Variants in KCNK13 observed in about 807,000 individuals in gnomAD.
KCNK13 encodes potassium channel subfamily K member 13.
In KCNK13, 12 loss-of-function variants were observed where a neutral mutation model predicts 23.4. The observed-to-expected ratio is 0.51, with a 90% CI of 0.33 to 0.83. KCNK13 has a LOEUF of 0.83. Among genes scored for constraint, KCNK13 ranks in the 40% least tolerant of loss-of-function variants. The pLI is 0.02. For missense variants in KCNK13, 463 were observed against 556.3 expected, an observed-to-expected ratio of 0.83 and a Z score of 1.69; for synonymous variants, 231 against 229.5, an observed-to-expected ratio of 1.01 and a Z score of -0.06.
chr14:90,067,151 C>A (rs564529597), intron 1 of KCNK13, among the ~76,000 whole-genome samples: 64 of 152,296 alleles, frequency 4.2e-4, no homozygotes, highest in African/African-American at 1.5e-3. Flanking sequence ...TGCCTGTAGT[C>A]CCAGCTACTT....
chr14:90,157,836 G>A (rs750433925), intron 1 of KCNK13, among the ~76,000 whole-genome samples: 19 of 151,440 alleles, frequency 1.3e-4, no homozygotes, highest in Admixed American at 1.1e-3. Flanking sequence ...GAGTAGCTGG[G>A]ACTACAGGCA....
At chr14:90,172,269 A>G (rs537086758) in intron 1 of KCNK13, among the ~76,000 whole-genome samples, 2 of 151,176 alleles carry the variant, frequency 1.3e-5, no homozygotes, top group East Asian at 2.0e-4. Flanking sequence ...GTGAGCCGAG[A>G]TAGTACCTCT....
intron 1 of KCNK13, among the ~76,000 whole-genome samples, chr14:90,165,314 C>T (rs1238374348): frequency 1.3e-5 from 2 of 152,092 alleles, no homozygotes; most frequent in Non-Finnish European, 2.9e-5. Context: ...GGGGCTGGGA[C>T]CCACCCTAGG....
intron 1 of KCNK13, among the ~76,000 whole-genome samples, chr14:90,123,784 A>G (rs1596787919): frequency 6.6e-6 from 1 of 152,202 alleles, no homozygotes; most frequent in Middle Eastern, 3.4e-3. Flanking sequence ...GCCATGCACC[A>G]CCACACCTGG....
intron 1 of KCNK13, among the ~76,000 whole-genome samples, chr14:90,137,445 C>T (rs1490418666): frequency 1.3e-5 from 2 of 151,988 alleles, no homozygotes; most frequent in South Asian, 2.1e-4. Flanking sequence ...TTCAGCCTCC[C>T]GAGTAGCTGG....
intron 1 of KCNK13, among the ~76,000 whole-genome samples, chr14:90,174,515 T>G (rs1890401417): frequency 6.6e-6 from 1 of 152,014 alleles, no homozygotes; most frequent in East Asian, 1.9e-4. Flanking sequence ...ATTCAAAGAT[T>G]TTCCAATTTG....
chr14:90,101,205 CAGTG>C (rs910258541), intron 1 of KCNK13, among the ~76,000 whole-genome samples: 4 of 152,180 alleles, frequency 2.6e-5, no homozygotes, highest in Non-Finnish European at 5.9e-5. Context: ...GTCTGCTTCA[CAGTG>C]AGCACAAAAT....
chr14:90,074,110 C>T (rs184532114), intron 1 of KCNK13, among the ~76,000 whole-genome samples: 96 of 152,234 alleles, frequency 6.3e-4, no homozygotes, highest in African/African-American at 2.1e-3. Flanking sequence ...GCTGGGACTA[C>T]AGGCATGCAC....
In KCNK13 at chr14:90,185,056, C is replaced by T. The variant is rs574920281; in HGVS notation, c.*53C>T. ...CCAGAGTAGAATGGAGGATGATTGC[C>T]GCCCAGGGGACGAGCTCAGCCCTGC... On this transcript the variant is annotated 3_prime_UTR_variant, in exon 2 of 2. Coordinates refer to ENST00000282146, the MANE Select transcript of KCNK13 (RefSeq NM_022054.4). The T allele has an allele frequency of 2.0e-5, 29 of 1,448,306 alleles. No individual in the cohort carries two copies. The highest frequency in any genetic ancestry group is 8.5e-5 in the African/African-American group (6 of 70,994). The allele number at this position is 1,448,306 out of a possible 1,614,324, so 89.7% of individuals were successfully genotyped here.
intron 1 of KCNK13, among the ~76,000 whole-genome samples, chr14:90,179,352 G>GA (rs921016725): frequency 3.3e-5 from 5 of 150,016 alleles, no homozygotes; most frequent in South Asian, 2.1e-4. Context: ...ATTGAATTTT[G>GA]AAAAAAAATA....
chr14:90,073,266 A>T (rs1217197345), intron 1 of KCNK13, among the ~76,000 whole-genome samples: 1 of 152,094 alleles, frequency 6.6e-6, no homozygotes, highest in African/African-American at 2.4e-5. Flanking sequence ...CTGTGCTACT[A>T]CGGGTGTAAG....
chr14:90,085,292 T>C lies in KCNK13; in HGVS notation c.334+22753T>C, dbSNP rs189278275. Among the ~76,000 whole-genome samples, 117 of 152,250 alleles carry C rather than the reference T, an allele frequency of 7.7e-4. 1 individual carries two copies. The highest frequency in any genetic ancestry group is 1.3e-3 in the Non-Finnish European group (87 of 68,022). ...TCTTGAGATAAGTCCTACTTGATTA[T>C]GGTGTATAATTTTTTTAATATGTTG... is the stretch of plus-strand genomic sequence containing the variant. On this transcript the variant is annotated intron_variant, in intron 1 of 1. Coordinates refer to ENST00000282146, the MANE Select transcript of KCNK13 (RefSeq NM_022054.4).
At chr14:90,070,003 C>G (rs1157105944) in intron 1 of KCNK13, among the ~76,000 whole-genome samples, 2 of 152,126 alleles carry the variant, frequency 1.3e-5, no homozygotes, top group African/African-American at 4.8e-5. Context: ...TAGAAATCAT[C>G]CATAATTCTA....
chr14:90,170,455 C>T (rs537810520), intron 1 of KCNK13, among the ~76,000 whole-genome samples: 1 of 152,254 alleles, frequency 6.6e-6, no homozygotes, highest in African/African-American at 2.4e-5. Flanking sequence ...CTCAGGTGAT[C>T]CACCCGTCTC....
intron 1 of KCNK13, among the ~76,000 whole-genome samples, chr14:90,155,061 A>T (rs1890178686): frequency 6.6e-6 from 1 of 152,240 alleles, no homozygotes; most frequent in African/African-American, 2.4e-5. Context: ...TATATAAAAT[A>T]TATGGTATAT....
chr14:90,118,095 C>T (rs537271514), intron 1 of KCNK13, among the ~76,000 whole-genome samples: 2 of 152,256 alleles, frequency 1.3e-5, no homozygotes, highest in South Asian at 2.1e-4. Context: ...GCAGTGCCTC[C>T]CCAAATAATA....
chr14:90,108,092 A>C (rs774243927), intron 1 of KCNK13: 28 of 475,752 alleles, frequency 5.9e-5, no homozygotes, highest in Non-Finnish European at 9.5e-5. Context: ...GGGGGGCACA[A>C]ACAGCTTTTT....
At chr14:90,067,394 G>A (rs886292541) in intron 1 of KCNK13, among the ~76,000 whole-genome samples, 2 of 152,132 alleles carry the variant, frequency 1.3e-5, no homozygotes, top group Non-Finnish European at 2.9e-5. Flanking sequence ...ATTTATATGA[G>A]GTACTTAGAA....
intron 1 of KCNK13, among the ~76,000 whole-genome samples, chr14:90,143,344 A>G (rs1441402444): frequency 2.6e-5 from 4 of 151,308 alleles, no homozygotes; most frequent in African/African-American, 9.7e-5. Context: ...AAGTGCTGGG[A>G]TTCGCAGCTT....
Sources: allele counts gnomAD v4.1 joint callset (sites outside exome capture counted in the v4.1 genomes callset), GRCh38; gene constraint gnomAD v4.1.1; transcripts MANE v1.5; gene names NCBI Gene and HGNC (gene_info 2026-07-23, HGNC 2026-07-21).